Variants in ACYP2 observed in about 807,000 individuals in gnomAD.
ACYP2 encodes the protein acylphosphatase 2.
ACYP2 carries 12 observed loss-of-function variants against 11.2 expected under a neutral mutation model. That is an observed-to-expected ratio of 1.08 (90% CI 0.69 to 1.74). The LOEUF is 1.74. ACYP2 is among the 40% of genes most tolerant of loss of function. The pLI, the probability that ACYP2 is intolerant of heterozygous loss-of-function variation, is 0.00. For synonymous variants in ACYP2, 43 were observed against 32.2 expected (o/e 1.33, Z -1.13); for missense variants, 134 against 101.9 (o/e 1.31, Z -1.35).
chr2:54,235,552 A>T (rs1374925829), intron 6 of ACYP2, among the ~76,000 whole-genome samples: 1 of 152,050 alleles, frequency 6.6e-6, no homozygotes, highest in Non-Finnish European at 1.5e-5. Flanking sequence ...GGGTTTCACC[A>T]TGTTAGCCAG....
rs527495260 is a variant in ACYP2 at position 54,143,626 on chromosome 2, G to A, written c.404+4878G>A. On this transcript the variant is annotated intron_variant, in intron 6 of 6. Coordinates refer to ENST00000607452, the MANE Select transcript of ACYP2 (RefSeq NM_001320586.2). ...TTTTTGTATTTTTAGTAGAGACAGGGTTTCACCATATTCGCCAGGCTGGCC... is the reference window on the plus strand; with the variant it reads ...TTTTTGTATTTTTAGTAGAGACAGGATTTCACCATATTCGCCAGGCTGGCC... Among the ~76,000 whole-genome samples the A allele has an allele frequency of 2.6e-5, 4 of 151,472 alleles. No individual in the cohort carries two copies. In the East Asian group the frequency reaches 7.8e-4, roughly 29 times the overall value.
intron 6 of ACYP2, among the ~76,000 whole-genome samples, chr2:54,213,968 C>G (rs1685446919): frequency 6.6e-6 from 1 of 152,000 alleles, no homozygotes; most frequent in African/African-American, 2.4e-5. Flanking sequence ...GCGACAAGAT[C>G]TCCCTGGTCT....
intron 4 of ACYP2, chr2:54,065,723 A>G: frequency 2.6e-6 from 1 of 385,712 alleles, no homozygotes. Flanking sequence ...GTAGCCGGAA[A>G]GTGATATGAA....
At chr2:54,030,288 G>C (rs1350164470) in intron 2 of ACYP2, among the ~76,000 whole-genome samples, 1 of 152,138 alleles carries the variant, frequency 6.6e-6, no homozygotes, top group Admixed American at 6.5e-5. Flanking sequence ...AGCTGCCTCT[G>C]TTACCTTGAC....
chr2:54,087,328 C>CTGCAAA (rs1184191781), intron 4 of ACYP2, among the ~76,000 whole-genome samples: 3 of 152,074 alleles, frequency 2.0e-5, no homozygotes, highest in Non-Finnish European at 4.4e-5. Context: ...TGGCATTGAC[C>CTGCAAA]TGCTAGTTTC....
chr2:54,181,112 C>T (rs566775021), intron 6 of ACYP2, among the ~76,000 whole-genome samples: 113 of 152,328 alleles, frequency 7.4e-4, no homozygotes, highest in Non-Finnish European at 7.6e-4. Context: ...CAAGAAACTA[C>T]TATGTTCAAA....
chr2:54,229,856 A>C (rs1414306136), intron 6 of ACYP2, among the ~76,000 whole-genome samples: 2 of 152,190 alleles, frequency 1.3e-5, no homozygotes, highest in South Asian at 4.1e-4. Flanking sequence ...TGTTGTTTCC[A>C]TCAAAAATAT....
chr2:54,154,052 G>A (rs1426573181), intron 6 of ACYP2, among the ~76,000 whole-genome samples: 1 of 144,764 alleles, frequency 6.9e-6, no homozygotes, highest in Non-Finnish European at 1.5e-5. Flanking sequence ...TTCTCCTAAG[G>A]TTTTTTTTTT....
At chr2:54,016,779 G>A (rs1364533356) in intron 2 of ACYP2, among the ~76,000 whole-genome samples, 1 of 148,378 alleles carries the variant, frequency 6.7e-6, no homozygotes, top group Non-Finnish European at 1.5e-5. Flanking sequence ...AGGCTGGAGT[G>A]CAGTGGCACG....
rs147678096 is a variant in ACYP2 at position 54,115,709 on chromosome 2, C to T, written c.278-19744C>T. On this transcript the variant is annotated intron_variant, in intron 4 of 6. Transcript: ENST00000607452. ...GGGCTCGCCGCCGCCATGTCTACCG[C>T]CCAGTCACTCAAATCCGTGGACTAC... is the stretch of plus-strand genomic sequence containing the variant. The T allele has an allele frequency of 1.6e-3, 2,503 of 1,612,860 alleles. 16 individuals carry two copies. Among genetic ancestry groups the T allele is most frequent in the Non-Finnish European group, 1.7e-3 (2,056 of 1,179,510 alleles).
In ACYP2 at chr2:53,978,297, T is replaced by C. The variant is rs550207807; in HGVS notation, c.62+4487T>C. On this transcript the variant is annotated intron_variant, in intron 2 of 6. Coordinates refer to ENST00000607452, the MANE Select transcript of ACYP2 (RefSeq NM_001320586.2). ...AAAAAAAGAACTTCTAATTCTAAAA[T>C]ATTATAGAAATTATTGGGAGCAAAA... Among the ~76,000 whole-genome samples, 7 of 151,100 alleles carry C rather than the reference T, an allele frequency of 4.6e-5. No homozygotes were observed. The South Asian group carries it at 6.3e-4, about 14-fold the overall frequency.
At chr2:54,045,517 A>T (rs574344663) in intron 2 of ACYP2, among the ~76,000 whole-genome samples, 1 of 152,324 alleles carries the variant, frequency 6.6e-6, no homozygotes, top group African/African-American at 2.4e-5. Flanking sequence ...TTGAAAACTC[A>T]TAAAATTGTG....
intron 4 of ACYP2, chr2:54,084,808 C>G (rs1677860857): frequency 6.6e-6 from 1 of 152,230 alleles, no homozygotes; most frequent in Non-Finnish European, 1.5e-5. Context: ...TTGCACTGCC[C>G]TCTTCCTGCC....
At chr2:53,998,123 A>G (rs1672657373) in intron 2 of ACYP2, among the ~76,000 whole-genome samples, 2 of 152,236 alleles carry the variant, frequency 1.3e-5, no homozygotes, top group South Asian at 2.1e-4. Flanking sequence ...CAACTTGACC[A>G]GAATTTGGGG....
chr2:54,107,353 C>G (rs1030397724), intron 4 of ACYP2, among the ~76,000 whole-genome samples: 1 of 152,126 alleles, frequency 6.6e-6, no homozygotes, highest in African/African-American at 2.4e-5. Flanking sequence ...TTCAACAGCT[C>G]TAAGCTTGGT....
At chr2:54,206,145 C>A (rs967463127) in intron 6 of ACYP2, among the ~76,000 whole-genome samples, 2 of 152,186 alleles carry the variant, frequency 1.3e-5, no homozygotes, top group African/African-American at 4.8e-5. Context: ...ACTGCCTCCT[C>A]ACCCTCTTAT....
rs190152943 is a variant in ACYP2, at chr2:54,083,710, C to A, written c.277+26350C>A. On this transcript the variant is annotated intron_variant, in intron 4 of 6. Coordinates refer to ENST00000607452, the MANE Select transcript of ACYP2 (RefSeq NM_001320586.2). ...GATAATTACTGTTCCCCCATCCCCC[C>A]AAAGGCACAATCTGGACAGAATATG... is the stretch of plus-strand genomic sequence containing the variant. Among the ~76,000 whole-genome samples, 437 of 152,208 alleles carry A rather than the reference C, an allele frequency of 2.9e-3. 4 individuals are homozygous for A. Among genetic ancestry groups the A allele is most frequent in the African/African-American group, 9.8e-3 (408 of 41,520 alleles).
In ACYP2 at chr2:54,071,853, A is replaced by G. The variant is rs1187502636; in HGVS notation, c.277+14493A>G. ...TGACAAAACCCCATCTGTACTAAAA[A>G]TACAAAACTTAGGTGGGCATGGTGG... On this transcript the variant is annotated intron_variant, in intron 4 of 6. Coordinates refer to ENST00000607452, the MANE Select transcript of ACYP2 (RefSeq NM_001320586.2). 2.0e-5 allele frequency among the ~76,000 whole-genome samples: 3 copies of G among 152,146 alleles called. No individual in the cohort carries two copies. In the East Asian group the frequency reaches 5.8e-4, roughly 29 times the overall value.
intron 2 of ACYP2, among the ~76,000 whole-genome samples, chr2:54,012,532 T>C (rs1281612623): frequency 1.3e-5 from 2 of 152,062 alleles, no homozygotes; most frequent in Non-Finnish European, 2.9e-5. Flanking sequence ...AATCAATCAA[T>C]AAAGCATTTT....
Sources: allele counts gnomAD v4.1 joint callset (sites outside exome capture counted in the v4.1 genomes callset), GRCh38; gene constraint gnomAD v4.1.1; transcripts MANE v1.5; gene names NCBI Gene and HGNC (gene_info 2026-07-23, HGNC 2026-07-21).